The following CSMD1 variants were observed in gnomAD, a reference collection of about 807,000 sequenced individuals.
CSMD1 encodes CUB and Sushi multiple domains 1, also known as CUB and sushi domain-containing protein 1.
A neutral mutation model predicts 417.5 loss-of-function variants in CSMD1; 213 were observed. The ratio of observed to expected loss-of-function variants is 0.51; its 90% CI spans 0.46 to 0.57. CSMD1 has a LOEUF of 0.57. CSMD1 is among the 20% of genes least tolerant of loss of function. The pLI, the probability that CSMD1 is intolerant of heterozygous loss-of-function variation, is 0.00. For synonymous variants in CSMD1, 2,862 were observed against 1,736.8 expected, an observed-to-expected ratio of 1.65 and a Z score of -16.11; for missense variants, 6,923 against 4,529.7, an observed-to-expected ratio of 1.53 and a Z score of -15.17.
At chr8:3,944,405 G>A (rs1011077335) in intron 5 of CSMD1, among the ~76,000 whole-genome samples, 1 of 152,100 alleles carries the variant, frequency 6.6e-6, no homozygotes, top group African/African-American at 2.4e-5. Flanking sequence ...AATTAACTGA[G>A]TGGGTGATTC....
chr8:4,917,621 G>T (rs371019702), intron 1 of CSMD1, among the ~76,000 whole-genome samples: 2 of 151,978 alleles, frequency 1.3e-5, no homozygotes, highest in East Asian at 3.9e-4. Flanking sequence ...GCGACAGAGC[G>T]AGACTCCGTC....
intron 3 of CSMD1, among the ~76,000 whole-genome samples, chr8:4,301,247 A>G (rs1797966148): frequency 6.6e-6 from 1 of 152,306 alleles, no homozygotes; most frequent in African/African-American, 2.4e-5. Context: ...ATAAGCCAAC[A>G]TCATCATTCT....
At chr8:3,668,384 T>A (rs1421716948) in intron 7 of CSMD1, among the ~76,000 whole-genome samples, 1 of 152,072 alleles carries the variant, frequency 6.6e-6, no homozygotes, top group African/African-American at 2.4e-5. Flanking sequence ...CCAAATTCTG[T>A]TTTAAATATG....
chr8:3,597,805 G>T lies in CSMD1; in HGVS notation c.1098-11545C>A, dbSNP rs191942360. ...GAACAATGAGAATACACGGACACAGGGAGGGGAACATCACACACCGGGGCC... is the reference window on the plus strand; with the variant it reads ...GAACAATGAGAATACACGGACACAGTGAGGGGAACATCACACACCGGGGCC... On this transcript the variant is annotated intron_variant, in intron 8 of 69. Coordinates refer to ENST00000635120, the MANE Select transcript of CSMD1 (RefSeq NM_033225.6). Among the ~76,000 whole-genome samples, 433 of 152,232 alleles carry T rather than the reference G, an allele frequency of 2.8e-3. 3 individuals carry two copies. Among genetic ancestry groups the T allele is most frequent in the Admixed American group, 0.023 (359 of 15,296 alleles).
chr8:3,854,554 T>C (rs1804157508), intron 5 of CSMD1, among the ~76,000 whole-genome samples: 1 of 152,078 alleles, frequency 6.6e-6, no homozygotes, highest in Non-Finnish European at 1.5e-5. Context: ...CATTTCTGCT[T>C]ACTTAGCTTT....
At chr8:4,894,450 G>A (rs919341818) in intron 1 of CSMD1, among the ~76,000 whole-genome samples, 5 of 151,662 alleles carry the variant, frequency 3.3e-5, no homozygotes, top group Non-Finnish European at 7.4e-5. Flanking sequence ...CTGCTTGGGA[G>A]GCTGAGGCAG....
chr8:4,840,669 G>T (rs1053153768), intron 1 of CSMD1, among the ~76,000 whole-genome samples: 7 of 152,094 alleles, frequency 4.6e-5, no homozygotes, highest in Admixed American at 2.0e-4. Flanking sequence ...TCCCAAAAAA[G>T]GTGCCTGTTA....
intron 2 of CSMD1, among the ~76,000 whole-genome samples, chr8:4,470,512 T>G (rs1353043387): frequency 1.3e-5 from 2 of 152,198 alleles, no homozygotes; most frequent in Non-Finnish European, 2.9e-5. Context: ...AACACGGAAT[T>G]CCTTACATTA....
chr8:3,744,525 C>G (rs1369679690), intron 6 of CSMD1, among the ~76,000 whole-genome samples: 1 of 151,928 alleles, frequency 6.6e-6, no homozygotes, highest in Non-Finnish European at 1.5e-5. Context: ...AAAATAGATC[C>G]AAAGATTCGT....
chr8:4,213,090 T>C (rs185686851), intron 3 of CSMD1, among the ~76,000 whole-genome samples: 146 of 152,246 alleles, frequency 9.6e-4, no homozygotes, highest in Middle Eastern at 3.4e-3. Context: ...TGGAAGAATA[T>C]AGATGCTTCA....
intron 1 of CSMD1, among the ~76,000 whole-genome samples, chr8:4,908,533 GTTTT>G (rs71535906): frequency 6.6e-6 from 1 of 151,062 alleles, no homozygotes; most frequent in East Asian, 2.0e-4. Flanking sequence ...GTTCTCTTCT[GTTTT>G]TTTTCTTTGT....
chr8:4,158,365 A>T (rs1464523644), intron 3 of CSMD1, among the ~76,000 whole-genome samples: 2 of 152,152 alleles, frequency 1.3e-5, no homozygotes, highest in Non-Finnish European at 2.9e-5. Context: ...CCCGAAAGAA[A>T]TAGTAATATG....
intron 5 of CSMD1, among the ~76,000 whole-genome samples, chr8:3,756,352 CAAA>C (rs34120010): frequency 7.6e-4 from 107 of 140,318 alleles, no homozygotes; most frequent in East Asian, 1.1e-3. Flanking sequence ...GACTCCATCT[CAAA>C]AAAAAAAAAA....
At chr8:3,468,926 T>C in intron 11 of CSMD1, 102 bp from the exon 12 acceptor site, 1 of 671,010 alleles carries the variant, frequency 1.5e-6, no homozygotes, top group South Asian at 1.8e-5. Context: ...AAACCCTAGA[T>C]ATATAGGTAG....
chr8:3,578,362 T>G (rs1390586422), intron 9 of CSMD1, among the ~76,000 whole-genome samples: 1 of 151,880 alleles, frequency 6.6e-6, no homozygotes, highest in Non-Finnish European at 1.5e-5. Flanking sequence ...ATGCCTGCTG[T>G]CCTCCCTTAG....
intron 3 of CSMD1, among the ~76,000 whole-genome samples, chr8:4,313,519 A>AT (rs1798747899): frequency 6.6e-6 from 1 of 151,752 alleles, no homozygotes; most frequent in South Asian, 2.1e-4. Flanking sequence ...AAAAAAAAAA[A>AT]AAAATCACGC....
chr8:4,772,511 G>C (rs932972551), intron 1 of CSMD1, among the ~76,000 whole-genome samples: 1 of 152,126 alleles, frequency 6.6e-6, no homozygotes, highest in African/African-American at 2.4e-5. Flanking sequence ...ACAGGATCTG[G>C]TATTACAGCA....
chr8:3,792,353 A>C lies in CSMD1; in HGVS notation c.819-38311T>G, dbSNP rs1563084112. ...AATAATAAAATCAATGAACACCCAC[A>C]TGTACATTATGATCATTAATGTAGC... On this transcript the variant is annotated intron_variant, in intron 5 of 69. Transcript: ENST00000635120. 1.3e-5 allele frequency among the ~76,000 whole-genome samples: 2 copies of C among 152,284 alleles called. 1 individual carries two copies. The highest frequency in any genetic ancestry group is 1.3e-4 in the Admixed American group (2 of 15,298).
intron 26 of CSMD1, chr8:3,279,066 C>T (rs1052507247): frequency 6.6e-6 from 1 of 152,194 alleles, no homozygotes; most frequent in Non-Finnish European, 1.5e-5. Flanking sequence ...CCGATTCTCA[C>T]TGGTTCCCAG....
Sources: gnomAD v4.1 joint callset for allele counts (sites outside exome capture counted in the v4.1 genomes callset) on GRCh38, gnomAD v4.1.1 for gene constraint, MANE v1.5 for transcripts, NCBI Gene and HGNC (gene_info 2026-07-23, HGNC 2026-07-21) for gene names.